Variants in FAM78B observed in about 807,000 individuals in gnomAD.
FAM78B encodes the protein protein FAM78B.
A neutral mutation model predicts 20.0 loss-of-function variants in FAM78B; 10 were observed. That is an observed-to-expected ratio of 0.50 (90% confidence interval 0.31 to 0.85). The LOEUF (loss-of-function observed/expected upper bound fraction) is 0.85. Ranked by LOEUF, FAM78B falls within the 40% of genes least tolerant of loss-of-function variation. FAM78B has a pLI of 0.05. For missense variants in FAM78B, 283 were observed against 345.0 expected (o/e 0.82, Z 1.42); for synonymous variants, 135 against 132.8 (o/e 1.02, Z -0.12).
intron 1 of FAM78B, among the ~76,000 whole-genome samples, chr1:166,078,333 A>G (rs969881586): frequency 7.2e-5 from 11 of 152,100 alleles, no homozygotes; most frequent in Non-Finnish European, 2.9e-5. Flanking sequence ...CTGGCCGTCA[A>G]TATTAGTTAT....
exon 3 of FAM78B, chr1:166,058,741 T>C (rs1057303234): frequency 1.3e-5 from 2 of 152,560 alleles, no homozygotes; most frequent in Non-Finnish European, 2.9e-5. Flanking sequence ...ATGTAGACAG[T>C]GTGTGCACAT....
At chr1:166,090,333 C>T (rs1653017846) in intron 1 of FAM78B, among the ~76,000 whole-genome samples, 1 of 152,244 alleles carries the variant, frequency 6.6e-6, no homozygotes, top group Non-Finnish European at 1.5e-5. Flanking sequence ...CATCTGTCCA[C>T]ACACTGACAC....
chr1:166,147,202 G>A (rs1190531127), intron 1 of FAM78B, among the ~76,000 whole-genome samples: 1 of 152,224 alleles, frequency 6.6e-6, no homozygotes, highest in African/African-American at 2.4e-5. Context: ...GGATAGGAAA[G>A]GCTGGTTGTG....
intron 1 of FAM78B, among the ~76,000 whole-genome samples, chr1:166,146,662 A>G (rs771835312): frequency 2.0e-5 from 3 of 152,200 alleles, no homozygotes; most frequent in Non-Finnish European, 4.4e-5. Context: ...ACAATGGGTC[A>G]AGGGCGGCAC....
At chr1:166,152,641 T>G (rs138105334) in intron 1 of FAM78B, among the ~76,000 whole-genome samples, 1 of 151,794 alleles carries the variant, frequency 6.6e-6, no homozygotes, top group African/African-American at 2.4e-5. Flanking sequence ...TCAGGGGAAG[T>G]TCTTGGTACT....
At chr1:166,060,704 A>C in intron 2 of FAM78B, 1 of 1,188,880 alleles carries the variant, frequency 8.4e-7, no homozygotes, top group Non-Finnish European at 1.1e-6. Flanking sequence ...AGCGGGCATT[A>C]AGACAGTGAT....
At chr1:166,074,398 TACA>T (rs1375274493) in intron 1 of FAM78B, among the ~76,000 whole-genome samples, 4 of 152,180 alleles carry the variant, frequency 2.6e-5, no homozygotes, top group Non-Finnish European at 5.9e-5. Context: ...TAGATATATC[TACA>T]ACTACAGGTG....
At chr1:166,123,549 T>C (rs1654537080) in intron 1 of FAM78B, among the ~76,000 whole-genome samples, 1 of 152,244 alleles carries the variant, frequency 6.6e-6, no homozygotes, top group Non-Finnish European at 1.5e-5. Flanking sequence ...CAATGGCTTC[T>C]GAGGATGAAA....
In FAM78B at chr1:166,150,384, C is replaced by T. The variant is rs186940519; in HGVS notation, c.263+15602G>A. Among the ~76,000 whole-genome samples, 1,283 of 152,266 alleles carry T rather than the reference C, an allele frequency of 8.4e-3. 4 individuals are homozygous for T. The highest frequency in any genetic ancestry group is 0.012 in the Non-Finnish European group (790 of 68,012). On this transcript the variant is annotated intron_variant, in intron 1 of 1. Transcript: ENST00000354422. ...AGTCATTCAAACCAGAAAAAGGAGA[C>T]ATGAAAAGCTTACTTTTCTCTATAA...
At chr1:166,144,969 G>T (rs1406137311) in intron 1 of FAM78B, among the ~76,000 whole-genome samples, 1 of 152,114 alleles carries the variant, frequency 6.6e-6, no homozygotes, top group Non-Finnish European at 1.5e-5. Flanking sequence ...ATGGGGTGAG[G>T]GTTGGGAGGA....
At position 166,070,565 on chromosome 1, in the gene FAM78B, G is replaced by C; in HGVS notation, c.462C>G (p.Asp154Glu). The change falls in exon 2 of 2, where the codon GAC becomes GAG. Residue 154 changes from aspartate (D) to glutamate (E), a missense_variant. Coordinates refer to ENST00000354422, the MANE Select transcript of FAM78B (RefSeq NM_001017961.5). The part of the protein sequence containing the change: ...PSVTWAVPVS[D>E]SNVPLLTRIK... ...TTCTTGTGAGCAGTGGCACATTGCT[G>C]TCACTCACAGGCACTGCCCATGTCA... The C allele has an allele frequency of 1.2e-6, 2 of 1,613,838 alleles. No homozygotes were observed. The highest frequency in any genetic ancestry group is 1.7e-6 in the Non-Finnish European group (2 of 1,179,970).
At chr1:166,123,062 C>T (rs1654517650) in intron 1 of FAM78B, among the ~76,000 whole-genome samples, 1 of 152,306 alleles carries the variant, frequency 6.6e-6, no homozygotes, top group Middle Eastern at 3.4e-3. Context: ...AAAAGAAATT[C>T]CTCAGTGGCA....
chr1:166,164,579 T>TA (rs1216952684), intron 1 of FAM78B, among the ~76,000 whole-genome samples: 82 of 152,352 alleles, frequency 5.4e-4, no homozygotes, highest in African/African-American at 1.9e-3. Context: ...TCTCAAGGAT[T>TA]AAGCTTTTGT....
At chr1:166,071,079 A>G (rs1353416557) in intron 1 of FAM78B, among the ~76,000 whole-genome samples, 1 of 152,234 alleles carries the variant, frequency 6.6e-6, no homozygotes, top group South Asian at 2.1e-4. Context: ...TCAGCAGTTT[A>G]GAGGAATTCC....
chr1:166,118,377 T>C (rs1478937095), intron 1 of FAM78B, among the ~76,000 whole-genome samples: 1 of 152,226 alleles, frequency 6.6e-6, no homozygotes, highest in Non-Finnish European at 1.5e-5. Context: ...CCAAGATACC[T>C]ATCTAATGTA....
chr1:166,098,796 TA>T (rs1242891837), intron 1 of FAM78B, among the ~76,000 whole-genome samples: 1 of 152,158 alleles, frequency 6.6e-6, no homozygotes, highest in Non-Finnish European at 1.5e-5. Flanking sequence ...AAGATAATTC[TA>T]AAAGCTTGGA....
Position 166,166,805 on chromosome 1 carries a change from G to C in FAM78B, c.-557C>G, listed in dbSNP as rs1457377607. 2 of 151,206 alleles carry C rather than the reference G, an allele frequency of 1.3e-5. No individual in the cohort carries two copies. The highest frequency in any genetic ancestry group is 1.9e-4 in the South Asian group (1 of 5,204). 9.4% of individuals were successfully genotyped at this position (151,206 alleles called of 1,614,324 possible). On this transcript the variant is annotated 5_prime_UTR_variant, in exon 1 of 2. Coordinates refer to ENST00000354422, the MANE Select transcript of FAM78B (RefSeq NM_001017961.5). ...CGGCGGGCGAGCGGGCGGCCCAAGAGGCAGGCGGAGGCAGCAGCGGCGGCG... is the reference window on the plus strand; with the variant it reads ...CGGCGGGCGAGCGGGCGGCCCAAGACGCAGGCGGAGGCAGCAGCGGCGGCG...
chr1:166,157,935 T>G (rs921034263), intron 1 of FAM78B, among the ~76,000 whole-genome samples: 9 of 152,180 alleles, frequency 5.9e-5, no homozygotes, highest in Non-Finnish European at 8.8e-5. Flanking sequence ...CTGCTGTCTT[T>G]ACTCCTGGCC....
Position 166,070,182 on chromosome 1 carries a change from G to A in FAM78B, c.*59C>T, listed in dbSNP as rs878933385. On this transcript the variant is annotated 3_prime_UTR_variant, in exon 2 of 2. Transcript: ENST00000354422. ...CTCTGTTTGGCTCCTGCCACCCCTG[G>A]CACCCTCACTGCATGTCTCAGAGGC... The A allele has an allele frequency of 9.0e-6, 13 of 1,443,208 alleles. No individual in the cohort carries two copies. Among genetic ancestry groups the A allele is most frequent in the Middle Eastern group, 4.8e-4 (2 of 4,182 alleles). The allele number at this position is 1,443,208 out of a possible 1,614,324, so 89.4% of individuals were successfully genotyped here.
Sources: allele counts gnomAD v4.1 joint callset (sites outside exome capture counted in the v4.1 genomes callset), GRCh38; gene constraint gnomAD v4.1.1; transcripts MANE v1.5; gene names NCBI Gene and HGNC (gene_info 2026-07-23, HGNC 2026-07-21).